Variants in ERBB4 observed in about 807,000 individuals in gnomAD.
ERBB4 encodes the protein receptor tyrosine-protein kinase erbB-4.
In ERBB4, 42 loss-of-function variants were observed where a neutral mutation model predicts 158.0. The ratio of observed to expected loss-of-function variants is 0.27; its 90% confidence interval spans 0.21 to 0.34. ERBB4 has a LOEUF of 0.34. ERBB4 is among the 10% of genes least tolerant of loss of function. ERBB4 has a pLI of 1.00. For missense variants in ERBB4, 1,333 were observed against 1,624.1 expected (o/e 0.82, Z 3.08); for synonymous variants, 583 against 558.7 (o/e 1.04, Z -0.61).
rs143981877 is a variant in ERBB4, at chr2:212,191,905, G to A, written c.83-67002C>T. Reference sequence around the variant, plus strand: ...ATGTTACATGTTATATATTATATATGATACATATGTTATATATGTTATATA... The same window carrying A: ...ATGTTACATGTTATATATTATATATAATACATATGTTATATATGTTATATA... On this transcript the variant is annotated intron_variant, in intron 1 of 27. Transcript: ENST00000342788. 4.7e-3 allele frequency among the ~76,000 whole-genome samples: 529 copies of A among 113,456 alleles called. 5 individuals are homozygous for A. The highest frequency in any genetic ancestry group is 0.016 in the African/African-American group (503 of 30,952). The allele number at this position is 113,456 out of a possible 152,430, so 74.4% of individuals were successfully genotyped here.
intron 20 of ERBB4, among the ~76,000 whole-genome samples, chr2:211,509,132 A>T (rs2065826363): frequency 7.2e-6 from 1 of 138,380 alleles, no homozygotes; most frequent in African/African-American, 2.7e-5. Context: ...GAGTTGAACA[A>T]TGAGAAGACA....
intron 1 of ERBB4, among the ~76,000 whole-genome samples, chr2:212,249,590 A>G (rs143771931): frequency 2.0e-5 from 3 of 152,078 alleles, no homozygotes; most frequent in Admixed American, 6.6e-5. Context: ...TAAAAACACC[A>G]TAGAATTAAA....
At chr2:211,678,255 C>T (rs996382448) in intron 13 of ERBB4, among the ~76,000 whole-genome samples, 14 of 150,856 alleles carry the variant, frequency 9.3e-5, no homozygotes, top group Admixed American at 8.6e-4. Flanking sequence ...ACAAGCCATT[C>T]CTATATACAA....
chr2:212,182,776 T>C (rs994383991), intron 1 of ERBB4, among the ~76,000 whole-genome samples: 1 of 151,810 alleles, frequency 6.6e-6, no homozygotes, highest in African/African-American at 2.4e-5. Flanking sequence ...TTTTGTTTTG[T>C]TTTGCTTTGG....
intron 19 of ERBB4, among the ~76,000 whole-genome samples, chr2:211,594,208 G>A (rs969599575): frequency 1.3e-5 from 2 of 152,220 alleles, no homozygotes; most frequent in Non-Finnish European, 2.9e-5. Context: ...AGACCGAGGA[G>A]GGCTGATTGA....
chr2:211,396,850 G>A (rs1440372342), intron 25 of ERBB4, among the ~76,000 whole-genome samples: 3 of 152,112 alleles, frequency 2.0e-5, no homozygotes, highest in African/African-American at 7.2e-5. Flanking sequence ...TGTAACAATG[G>A]TTTATTCATC....
chr2:212,320,240 C>T (rs10205018), intron 1 of ERBB4, among the ~76,000 whole-genome samples: 17,062 of 136,880 alleles, frequency 0.12, 2,125 homozygotes, highest in African/African-American at 0.28. Flanking sequence ...TTATTTTTTT[C>T]CTGTGGCTGC....
chr2:211,743,428 T>C (rs1268915641), intron 5 of ERBB4, among the ~76,000 whole-genome samples: 1 of 152,158 alleles, frequency 6.6e-6, no homozygotes. Context: ...TTTCTGATAA[T>C]GGGAGACTGG....
intron 1 of ERBB4, among the ~76,000 whole-genome samples, chr2:212,339,741 G>A (rs2088613027): frequency 6.6e-6 from 1 of 151,914 alleles, no homozygotes; most frequent in Non-Finnish European, 1.5e-5. Context: ...GGGTTTTATA[G>A]TAATTTCTGA....
At chr2:211,733,454 T>A (rs144990769) in intron 5 of ERBB4, among the ~76,000 whole-genome samples, 8 of 152,032 alleles carry the variant, frequency 5.3e-5, no homozygotes, top group Non-Finnish European at 8.8e-5. Context: ...AAGAATACCA[T>A]AGTATTTTTA....
At chr2:211,903,176 A>G (rs2079284640) in intron 3 of ERBB4, among the ~76,000 whole-genome samples, 1 of 152,048 alleles carries the variant, frequency 6.6e-6, no homozygotes, top group Non-Finnish European at 1.5e-5. Context: ...AATAAATGTT[A>G]TTACTCAGTT....
At chr2:211,990,144 T>C (rs1012431892) in intron 2 of ERBB4, among the ~76,000 whole-genome samples, 7 of 152,026 alleles carry the variant, frequency 4.6e-5, no homozygotes, top group African/African-American at 2.4e-5. Context: ...TTTCCTATCA[T>C]GAATTAAACA....
At position 211,487,607 on chromosome 2, in the gene ERBB4, C is replaced by T. The variant is rs60523925; in HGVS notation, c.2488-56507G>A. Among the ~76,000 whole-genome samples the T allele has an allele frequency of 4.7e-3, 711 of 152,082 alleles. 8 individuals carry two copies. Among genetic ancestry groups the T allele is most frequent in the African/African-American group, 0.016 (652 of 41,510 alleles). On this transcript the variant is annotated intron_variant, in intron 20 of 27. Transcript: ENST00000342788. ...CTGGGAAAACAGGTGCCCCCTTTTC[C>T]AAAACAATGGCGTTGCAATGTTTCC...
Position 212,138,217 on chromosome 2 carries a change from C to A in ERBB4, c.83-13314G>T, listed in dbSNP as rs146841661. Among the ~76,000 whole-genome samples, 114 of 152,110 alleles carry A rather than the reference C, an allele frequency of 7.5e-4. No individual in the cohort carries two copies. The East Asian group carries it at 0.02, about 26-fold the overall frequency. ...CCCACAATAACATATAAAACAGAGCCCTTCTCGCCTACCACACATACGAAA... is the reference window on the plus strand; with the variant it reads ...CCCACAATAACATATAAAACAGAGCACTTCTCGCCTACCACACATACGAAA... On this transcript the variant is annotated intron_variant, in intron 1 of 27. Coordinates refer to ENST00000342788, the MANE Select transcript of ERBB4 (RefSeq NM_005235.3).
intron 25 of ERBB4, among the ~76,000 whole-genome samples, chr2:211,397,755 TAGG>T (rs2062951123): frequency 6.6e-6 from 1 of 152,140 alleles, no homozygotes; most frequent in African/African-American, 2.4e-5. Context: ...CCGTGGAAAA[TAGG>T]ACTGTATTGT....
chr2:211,954,660 G>C (rs146652626), intron 2 of ERBB4, among the ~76,000 whole-genome samples: 2 of 152,002 alleles, frequency 1.3e-5, no homozygotes, highest in Non-Finnish European at 1.5e-5. Flanking sequence ...TGGTAAGAGG[G>C]GGGGTAATAG....
intron 20 of ERBB4, chr2:211,535,794 A>G (rs1467641935): frequency 6.6e-6 from 1 of 152,368 alleles, no homozygotes; most frequent in Non-Finnish European, 1.5e-5. Context: ...GAGTTTATTT[A>G]CAGTAAAAGT....
At position 212,509,266 on chromosome 2, in the gene ERBB4, G is replaced by T. The variant is rs951328614; in HGVS notation, c.82+29183C>A. ...AGTGAAAATATGTGAGAGTAAATGA[G>T]ATTCGGAAGTTTTTAAATGATATGT... On this transcript the variant is annotated intron_variant, in intron 1 of 27. Transcript: ENST00000342788. Among the ~76,000 whole-genome samples, 9 of 152,166 alleles carry T rather than the reference G, an allele frequency of 5.9e-5. No homozygotes were observed. The South Asian group carries it at 1.4e-3, about 24-fold the overall frequency.
intron 20 of ERBB4, among the ~76,000 whole-genome samples, chr2:211,509,329 T>C (rs2065831988): frequency 6.6e-6 from 1 of 152,100 alleles, no homozygotes; most frequent in African/African-American, 2.4e-5. Context: ...TCTGTACATG[T>C]ATCCCAGAAC....
Sources: gnomAD v4.1 joint callset for allele counts (sites outside exome capture counted in the v4.1 genomes callset) on GRCh38, gnomAD v4.1.1 for gene constraint, MANE v1.5 for transcripts, NCBI Gene and HGNC (gene_info 2026-07-23, HGNC 2026-07-21) for gene names.